SPINK5: variants seen among roughly 807,000 people sequenced by gnomAD.
SPINK5 encodes serine peptidase inhibitor Kazal type 5.
In SPINK5, 125 loss-of-function variants were observed where a neutral mutation model predicts 151.8. The ratio of observed to expected loss-of-function variants is 0.82; its 90% CI spans 0.71 to 0.96. SPINK5 has a LOEUF of 0.96. SPINK5 is among the 40% of genes least tolerant of loss of function. SPINK5 has a pLI of 0.00. For missense variants in SPINK5, 1,194 were observed against 1,291.9 expected, an observed-to-expected ratio of 0.92 and a Z score of 1.16; for synonymous variants, 374 against 395.3, an observed-to-expected ratio of 0.95 and a Z score of 0.64.
intron 13 of SPINK5, among the ~76,000 whole-genome samples, chr5:148,100,946 C>A (rs1862445): frequency 0.75 from 114,666 of 152,100 alleles, 44,427 homozygotes; most frequent in African/African-American, 0.93. Flanking sequence ...TAACAGTTTG[C>A]GGATTTCAAA....
intron 4 of SPINK5, among the ~76,000 whole-genome samples, chr5:148,081,787 A>C (rs1176861392): frequency 1.3e-5 from 2 of 151,736 alleles, no homozygotes; most frequent in African/African-American, 4.8e-5. Flanking sequence ...AAAGCTGTTT[A>C]GAATTTTATT....
At chr5:148,123,455 A>ATATAGATAGAT (rs1561703749) in intron 26 of SPINK5, among the ~76,000 whole-genome samples, 1 of 140,794 alleles carries the variant, frequency 7.1e-6, no homozygotes, top group African/African-American at 2.8e-5. Flanking sequence ...CTATATATAT[A>ATATAGATAGAT]ATCTTGTTAT....
At chr5:148,103,703 AT>A (rs1479658354) in intron 15 of SPINK5, among the ~76,000 whole-genome samples, 1 of 152,132 alleles carries the variant, frequency 6.6e-6, no homozygotes, top group African/African-American at 2.4e-5. Context: ...TGTTTTATAG[AT>A]ATGTTAACAA....
intron 32 of SPINK5, among the ~76,000 whole-genome samples, chr5:148,135,397 A>G (rs111316962): frequency 1.3e-5 from 2 of 152,288 alleles, no homozygotes; most frequent in African/African-American, 2.4e-5. Context: ...AAACTACTTT[A>G]TAAAGAACTT....
chr5:148,134,135 G>A (rs1754642700), intron 32 of SPINK5: 1 of 528,864 alleles, frequency 1.9e-6, no homozygotes, highest in African/African-American at 1.9e-5. Flanking sequence ...TATGAGCAAT[G>A]TCTCCAACAT....
intron 29 of SPINK5, 116 bp from the exon 30 acceptor site, chr5:148,126,867 C>A: frequency 1.2e-6 from 1 of 840,620 alleles, no homozygotes; most frequent in Non-Finnish European, 1.8e-6. Context: ...GCTGGGGTTA[C>A]AGGCGTGAAC....
intron 9 of SPINK5, among the ~76,000 whole-genome samples, chr5:148,095,288 G>A (rs1186854115): frequency 2.6e-5 from 4 of 151,832 alleles, no homozygotes; most frequent in Non-Finnish European, 5.9e-5. Context: ...AAGAGGGCAG[G>A]GTATGTGTTT....
At position 148,101,346 on chromosome 5, in the gene SPINK5, C is replaced by CT; in HGVS notation, c.1221-3dup. On this transcript the variant is annotated splice_polypyrimidine_tract_variant and intron_variant, in intron 13 of 32. Coordinates refer to ENST00000256084, the MANE Select transcript of SPINK5 (RefSeq NM_006846.4). Reference sequence around the variant, plus strand: ...TTTTACTTATCTCTTCTTAACCATCCTTTTTTAGCCAAGCAGAAGAAGAAG... The same window carrying CT: ...TTTTACTTATCTCTTCTTAACCATCCTTTTTTTAGCCAAGCAGAAGAAGAAG... 6.3e-7 allele frequency: 1 copy of CT among 1,596,238 alleles called. No homozygotes were observed. The highest frequency in any genetic ancestry group is 2.2e-5 in the East Asian group (1 of 44,708).
intron 30 of SPINK5, among the ~76,000 whole-genome samples, chr5:148,129,677 A>G (rs1356718815): frequency 1.3e-5 from 2 of 152,164 alleles, no homozygotes; most frequent in African/African-American, 4.8e-5. Context: ...CCAATATGGA[A>G]CTCACCACAA....
intron 8 of SPINK5, among the ~76,000 whole-genome samples, chr5:148,092,632 G>A (rs1367469719): frequency 1.3e-5 from 2 of 151,866 alleles, no homozygotes; most frequent in Admixed American, 6.6e-5. Flanking sequence ...TGCAAACACA[G>A]TGTTTCTTCA....
At chr5:148,113,957 A>G (rs181496067) in intron 20 of SPINK5, among the ~76,000 whole-genome samples, 4 of 152,320 alleles carry the variant, frequency 2.6e-5, no homozygotes, top group Admixed American at 2.0e-4. Flanking sequence ...TTTCATCCTC[A>G]TTGAATTTCA....
chr5:148,131,069 A>C (rs1274924460), intron 30 of SPINK5, among the ~76,000 whole-genome samples, 190 bp from the exon 31 acceptor site: 1 of 152,190 alleles, frequency 6.6e-6, no homozygotes, highest in South Asian at 2.1e-4. Context: ...CAAGTTAAAA[A>C]TTGCCAAATA....
intron 26 of SPINK5, among the ~76,000 whole-genome samples, chr5:148,120,882 G>A (rs927383402): frequency 2.6e-5 from 4 of 151,888 alleles, no homozygotes; most frequent in Non-Finnish European, 2.9e-5. Context: ...CGGTGGCTCA[G>A]GCCTATAATC....
At chr5:148,105,300 C>G (rs1266099949) in intron 16 of SPINK5, among the ~76,000 whole-genome samples, 1 of 152,122 alleles carries the variant, frequency 6.6e-6, no homozygotes, top group Non-Finnish European at 1.5e-5. Flanking sequence ...TAACTTATGC[C>G]ATTTACTAAT....
At chr5:148,118,168 G>A (rs1412444774) in intron 22 of SPINK5, among the ~76,000 whole-genome samples, 3 of 152,064 alleles carry the variant, frequency 2.0e-5, no homozygotes, top group Admixed American at 6.5e-5. Context: ...ACAGGCACCC[G>A]CCACCATGCC....
In SPINK5 at chr5:148,116,411, A is replaced by G; in HGVS notation, c.2057A>G (p.Asp686Gly). Reference protein sequence around the residue: ...NEERKRKEEEDQRNAAGHGSS... With the variant: ...NEERKRKEEEGQRNAAGHGSS... ...GAAAGAAAGAGGAAAGAAGAGGAAG[A>G]TCAGAGAAATGCTGCAGGACATGGT... The change falls in exon 22 of 33, where the codon GAT (aspartate) becomes GGT (glycine). Residue 686 changes from aspartate (D) to glycine (G), a missense_variant. Asp to Gly is a moderately conservative substitution (Grantham distance 94). Transcript: ENST00000256084. The G allele has an allele frequency of 6.2e-7, 1 of 1,614,220 alleles. No individual in the cohort carries two copies. Among genetic ancestry groups the G allele is most frequent in the Non-Finnish European group, 8.5e-7 (1 of 1,180,016 alleles).
intron 11 of SPINK5, among the ~76,000 whole-genome samples, chr5:148,098,625 T>C (rs1486116451): frequency 6.6e-6 from 1 of 151,814 alleles, no homozygotes; most frequent in Non-Finnish European, 1.5e-5. Flanking sequence ...ACAAAGCAAA[T>C]TTAGGCTTAT....
At chr5:148,118,959 A>C in intron 23 of SPINK5, 27 bp from the exon 24 acceptor site, 1 of 1,610,618 alleles carries the variant, frequency 6.2e-7, no homozygotes, top group Non-Finnish European at 8.5e-7. Flanking sequence ...TGTTAACAAG[A>C]TGAATATTCA....
Position 148,112,877 on chromosome 5 carries a change from A to G in SPINK5, c.1830A>G (p.Glu610=). 1 of 1,613,930 alleles carries G rather than the reference A, an allele frequency of 6.2e-7. No homozygotes were observed. Among genetic ancestry groups the G allele is most frequent in the Non-Finnish European group, 8.5e-7 (1 of 1,179,896 alleles). The change falls in exon 20 of 33, where the codon GAA becomes GAG. Residue 610 remains glutamate (E), a synonymous_variant. Transcript: ENST00000256084. ...CTCCCTTTTCTTATAGCCAGCAAGA[A>G]GCAAAAGAAAAAGAAAGAGCTGAAC... The part of the protein sequence containing the change: ...CSMCEAFFQQ[E]AKEKERAEPR...
Sources: allele counts gnomAD v4.1 joint callset (sites outside exome capture counted in the v4.1 genomes callset), GRCh38; gene constraint gnomAD v4.1.1; transcripts MANE v1.5; gene names NCBI Gene and HGNC (gene_info 2026-07-23, HGNC 2026-07-21).